GRIK3: variants seen among roughly 807,000 people sequenced by gnomAD.
GRIK3 encodes glutamate receptor ionotropic, kainate 3.
Under a neutral mutation model 102.5 loss-of-function variants are expected in GRIK3, and 29 were observed. The observed-to-expected ratio is 0.28, with a 90% CI of 0.21 to 0.39. GRIK3 has a LOEUF of 0.39. GRIK3 is among the 10% of genes least tolerant of loss of function. The pLI is 1.00. For missense variants in GRIK3, 908 were observed against 1,252.4 expected (o/e 0.73, Z 4.15); for synonymous variants, 511 against 504.9 (o/e 1.01, Z -0.16).
At chr1:36,992,506 C>T (rs983834620) in intron 1 of GRIK3, among the ~76,000 whole-genome samples, 1 of 152,148 alleles carries the variant, frequency 6.6e-6, no homozygotes, top group Non-Finnish European at 1.5e-5. Context: ...CTAAAAAATA[C>T]TGAGTCCAGT....
chr1:36,807,443 T>G (rs554660627), intron 13 of GRIK3, among the ~76,000 whole-genome samples: 1 of 152,208 alleles, frequency 6.6e-6, no homozygotes, highest in Non-Finnish European at 1.5e-5. Flanking sequence ...TGGTTCCAAG[T>G]CTAGCTGTGT....
chr1:36,859,919 A>G lies in GRIK3; in HGVS notation c.885T>C (p.Ile295=), dbSNP rs764942349. ...GCCGCTCCATGGACCACTTCTCCAC[A>G]ATGGCCGAGACGTGTGGGTTGTCCA... ...LNVDNPHVSA[I]VEKWSMERLQ... The change falls in exon 6 of 16, where the codon ATT becomes ATC. Residue 295 remains isoleucine (I), a synonymous_variant. Transcript: ENST00000373091. 1.9e-6 allele frequency: 3 copies of G among 1,613,900 alleles called. No individual in the cohort carries two copies. The Admixed American group carries it at 5.0e-5, about 27-fold the overall frequency.
intron 1 of GRIK3, among the ~76,000 whole-genome samples, chr1:37,003,323 C>T (rs1269680336): frequency 6.6e-6 from 1 of 152,140 alleles, no homozygotes; most frequent in Non-Finnish European, 1.5e-5. Flanking sequence ...GGAATAGTTA[C>T]TATTTCATTC....
At chr1:36,865,000 T>G (rs983263246) in intron 5 of GRIK3, among the ~76,000 whole-genome samples, 17 of 152,206 alleles carry the variant, frequency 1.1e-4, no homozygotes, top group Non-Finnish European at 1.3e-4. Flanking sequence ...TTTAGAAACA[T>G]TCAGCATAAC....
rs147767113 is a variant in GRIK3 at position 36,837,497 on chromosome 1, C to T, written c.1530+4239G>A. Among the ~76,000 whole-genome samples the T allele has an allele frequency of 3.6e-3, 541 of 152,224 alleles. 4 individuals carry two copies. Among genetic ancestry groups the T allele is most frequent in the Non-Finnish European group, 5.2e-3 (357 of 68,012 alleles). On this transcript the variant is annotated intron_variant, in intron 10 of 15. Transcript: ENST00000373091. ...GGCTGTGCATCTACTTCCCTCCTTTCCTAGAGCAGCACTCGCCCTGTTTGG... is the reference window on the plus strand; with the variant it reads ...GGCTGTGCATCTACTTCCCTCCTTTTCTAGAGCAGCACTCGCCCTGTTTGG...
At chr1:36,965,591 C>G (rs561034907) in intron 1 of GRIK3, among the ~76,000 whole-genome samples, 16 of 152,082 alleles carry the variant, frequency 1.1e-4, no homozygotes, top group Admixed American at 6.5e-5. Context: ...GTGATTTAAG[C>G]CAACCTAAAA....
chr1:36,836,847 C>T (rs1416181589), intron 10 of GRIK3, among the ~76,000 whole-genome samples: 5 of 152,114 alleles, frequency 3.3e-5, no homozygotes, highest in Admixed American at 6.5e-5. Flanking sequence ...TCTGGGTCTC[C>T]GAGGGTGAAA....
intron 1 of GRIK3, among the ~76,000 whole-genome samples, chr1:37,000,938 T>C (rs1290203498): frequency 6.6e-6 from 1 of 152,216 alleles, no homozygotes; most frequent in Non-Finnish European, 1.5e-5. Context: ...TACCGAAGCA[T>C]TGCACTGGGC....
intron 1 of GRIK3, among the ~76,000 whole-genome samples, chr1:36,957,486 C>CT (rs1641930838): frequency 7.8e-5 from 1 of 12,760 alleles, no homozygotes; most frequent in Non-Finnish European, 1.6e-4. Flanking sequence ...GTCTGTGCCC[C>CT]GTGAGCCTGT....
intron 2 of GRIK3, among the ~76,000 whole-genome samples, chr1:36,881,293 C>T (rs1640974220): frequency 6.6e-6 from 1 of 152,154 alleles, no homozygotes; most frequent in African/African-American, 2.4e-5. Context: ...GCTTCAACTT[C>T]AACCTCTAGC....
At chr1:36,963,625 G>C (rs1356378705) in intron 1 of GRIK3, among the ~76,000 whole-genome samples, 1 of 152,194 alleles carries the variant, frequency 6.6e-6, no homozygotes, top group Non-Finnish European at 1.5e-5. Context: ...GTGGAACTGG[G>C]ATTTGAACCC....
At chr1:37,033,757 A>G (rs1196365344) in intron 1 of GRIK3, among the ~76,000 whole-genome samples, 3 of 152,182 alleles carry the variant, frequency 2.0e-5, no homozygotes, top group South Asian at 2.1e-4. Flanking sequence ...CTGACCTCCC[A>G]GGAGCGCGCC....
chr1:36,976,229 G>A (rs1370425060), intron 1 of GRIK3, among the ~76,000 whole-genome samples: 1 of 152,130 alleles, frequency 6.6e-6, no homozygotes, highest in East Asian at 1.9e-4. Flanking sequence ...AAGCCAACAG[G>A]ACAGTGACAG....
At chr1:36,925,060 C>T (rs1018040509) in intron 1 of GRIK3, among the ~76,000 whole-genome samples, 2 of 152,202 alleles carry the variant, frequency 1.3e-5, no homozygotes, top group African/African-American at 4.8e-5. Flanking sequence ...GTATCATGCA[C>T]CCATTATTCA....
At chr1:36,851,024 G>T (rs1389120515) in intron 8 of GRIK3, among the ~76,000 whole-genome samples, 1 of 152,192 alleles carries the variant, frequency 6.6e-6, no homozygotes, top group Admixed American at 6.5e-5. Flanking sequence ...GTCAAGTTTA[G>T]AAATCATCCT....
intron 7 of GRIK3, among the ~76,000 whole-genome samples, chr1:36,857,664 C>A (rs1007311959): frequency 2.0e-5 from 3 of 152,172 alleles, no homozygotes; most frequent in African/African-American, 7.2e-5. Flanking sequence ...TGCCCTAAAG[C>A]CTGTATCTTA....
chr1:36,954,176 G>A (rs1033162822), intron 1 of GRIK3, among the ~76,000 whole-genome samples: 1 of 152,188 alleles, frequency 6.6e-6, no homozygotes, highest in Admixed American at 6.5e-5. Flanking sequence ...TGAGATAGAG[G>A]GGGGCATTCC....
At chr1:36,830,142 G>A (rs985170628) in intron 10 of GRIK3, among the ~76,000 whole-genome samples, 4 of 152,202 alleles carry the variant, frequency 2.6e-5, no homozygotes, top group Non-Finnish European at 2.9e-5. Context: ...AGTGTATTGC[G>A]TATGCTGCCT....
intron 10 of GRIK3, among the ~76,000 whole-genome samples, chr1:36,831,600 G>T (rs1032831659): frequency 3.9e-5 from 6 of 152,196 alleles, no homozygotes; most frequent in African/African-American, 1.4e-4. Flanking sequence ...TACTAGGGTT[G>T]CTTACAGTCA....
Sources: gnomAD v4.1 joint callset for allele counts (sites outside exome capture counted in the v4.1 genomes callset) on GRCh38, gnomAD v4.1.1 for gene constraint, MANE v1.5 for transcripts, NCBI Gene and HGNC (gene_info 2026-07-23, HGNC 2026-07-21) for gene names.